Variants in LRP1B observed in about 807,000 individuals in gnomAD.
LRP1B encodes the protein low-density lipoprotein receptor-related protein 1B.
Under a neutral mutation model 556.6 loss-of-function variants are expected in LRP1B, and 217 were observed. The ratio of observed to expected loss-of-function variants is 0.39; its 90% CI spans 0.35 to 0.44. The LOEUF (loss-of-function observed/expected upper bound fraction) is 0.44, where lower values mean the gene tolerates loss of function less well. Among genes scored for constraint, LRP1B ranks in the 20% least tolerant of loss-of-function variants. The pLI is 1.00. For synonymous variants in LRP1B, 2,047 were observed against 1,865.8 expected, an observed-to-expected ratio of 1.10 and a Z score of -2.50; for missense variants, 5,053 against 5,620.8, an observed-to-expected ratio of 0.90 and a Z score of 3.23.
At chr2:142,107,607 C>CAATA (rs1452901853) in intron 1 of LRP1B, among the ~76,000 whole-genome samples, 1 of 137,290 alleles carries the variant, frequency 7.3e-6, no homozygotes, top group Non-Finnish European at 1.6e-5. Context: ...TATAGGCATT[C>CAATA]AATAATGTGT....
At chr2:140,293,740 T>G (rs1440085073) in intron 84 of LRP1B, among the ~76,000 whole-genome samples, 4 of 152,162 alleles carry the variant, frequency 2.6e-5, no homozygotes, top group African/African-American at 9.7e-5. Flanking sequence ...GTCATTTTAA[T>G]GCCACTGTCC....
chr2:140,436,689 G>GT (rs1289216353), intron 66 of LRP1B, among the ~76,000 whole-genome samples: 1 of 149,630 alleles, frequency 6.7e-6, no homozygotes, highest in African/African-American at 2.5e-5. Context: ...TTAACCAGAA[G>GT]TTTTTTTCAG....
intron 1 of LRP1B, among the ~76,000 whole-genome samples, chr2:141,949,597 C>G (rs926392920): frequency 2.0e-5 from 3 of 152,100 alleles, no homozygotes; most frequent in African/African-American, 7.2e-5. Context: ...ACCATGTTGG[C>G]CAGGATGGTC....
At chr2:140,540,951 C>T (rs2105016328) in intron 45 of LRP1B, 22 bp downstream of exon 45, 1 of 1,599,626 alleles carries the variant, frequency 6.3e-7, no homozygotes, top group Non-Finnish European at 8.5e-7. Context: ...TGTCATATTA[C>T]ATTTCAATTC....
At chr2:140,595,987 G>A (rs1171528176) in intron 43 of LRP1B, among the ~76,000 whole-genome samples, 2 of 152,022 alleles carry the variant, frequency 1.3e-5, no homozygotes, top group Admixed American at 1.3e-4. Flanking sequence ...TGAATAATAA[G>A]CATTTAGTCT....
chr2:141,073,260 G>GTA (rs1384845667), intron 7 of LRP1B, among the ~76,000 whole-genome samples: 1 of 151,816 alleles, frequency 6.6e-6, no homozygotes, highest in Non-Finnish European at 1.5e-5. Context: ...AAGTTACCAA[G>GTA]TATTTTCATA....
intron 1 of LRP1B, among the ~76,000 whole-genome samples, chr2:141,910,688 T>C (rs1342076192): frequency 6.6e-6 from 1 of 152,072 alleles, no homozygotes; most frequent in Non-Finnish European, 1.5e-5. Context: ...GTATTATACC[T>C]TGGGATTGCT....
At chr2:141,577,594 G>A (rs1686798789) in intron 2 of LRP1B, among the ~76,000 whole-genome samples, 2 of 152,226 alleles carry the variant, frequency 1.3e-5, no homozygotes, top group South Asian at 4.1e-4. Context: ...CAAGCACCTG[G>A]CAGGCATTTG....
chr2:140,716,133 C>A (rs956596270), intron 36 of LRP1B, 31 bp from the exon 37 acceptor site: 3 of 1,466,092 alleles, frequency 2.0e-6, no homozygotes, highest in Admixed American at 2.1e-5. Flanking sequence ...GTTTATAATA[C>A]AGTTTTGAGA....
At chr2:141,041,223 G>A (rs1698687623) in intron 11 of LRP1B, among the ~76,000 whole-genome samples, 1 of 152,080 alleles carries the variant, frequency 6.6e-6, no homozygotes, top group African/African-American at 2.4e-5. Flanking sequence ...TATCAGTATA[G>A]CAAGGGGGTA....
intron 2 of LRP1B, among the ~76,000 whole-genome samples, chr2:141,501,669 T>C (rs1358447371): frequency 6.6e-6 from 1 of 152,184 alleles, no homozygotes; most frequent in Non-Finnish European, 1.5e-5. Flanking sequence ...AATGAAGCTA[T>C]ATACTGTAAT....
At chr2:140,358,190 A>G in intron 73 of LRP1B, 74 bp from the exon 74 acceptor site, 1 of 1,344,554 alleles carries the variant, frequency 7.4e-7, no homozygotes, top group South Asian at 1.4e-5. Flanking sequence ...AATAGCTCCA[A>G]AATTTTACTA....
intron 66 of LRP1B, among the ~76,000 whole-genome samples, chr2:140,407,738 A>T (rs1006321484): frequency 3.9e-5 from 6 of 152,056 alleles, no homozygotes; most frequent in African/African-American, 1.4e-4. Flanking sequence ...TGGGAATGTA[A>T]ATTAGTACAA....
chr2:141,431,606 T>C (rs552059496), intron 3 of LRP1B, among the ~76,000 whole-genome samples: 7 of 152,318 alleles, frequency 4.6e-5, no homozygotes, highest in African/African-American at 1.7e-4. Context: ...AGGAAGTCTG[T>C]TATCCATGAA....
At chr2:141,900,347 T>C (rs1699580569) in intron 1 of LRP1B, among the ~76,000 whole-genome samples, 1 of 152,084 alleles carries the variant, frequency 6.6e-6, no homozygotes, top group East Asian at 1.9e-4. Flanking sequence ...TATGACACTG[T>C]TTGCAGATAT....
At chr2:140,282,662 T>C (rs1031848943) in intron 84 of LRP1B, among the ~76,000 whole-genome samples, 2 of 151,764 alleles carry the variant, frequency 1.3e-5, no homozygotes, top group African/African-American at 4.8e-5. Context: ...ACAAGAAGTC[T>C]GCACGATAAT....
At chr2:140,772,756 C>T (rs1401107251) in intron 33 of LRP1B, among the ~76,000 whole-genome samples, 3 of 151,994 alleles carry the variant, frequency 2.0e-5, no homozygotes, top group Non-Finnish European at 2.9e-5. Context: ...GGGAGACATC[C>T]GCAGATGATA....
chr2:141,916,880 C>G (rs765314649), intron 1 of LRP1B, among the ~76,000 whole-genome samples: 1 of 151,938 alleles, frequency 6.6e-6, no homozygotes, highest in Admixed American at 6.6e-5. Context: ...CACAATATAC[C>G]CAGGTAACAA....
At chr2:140,523,313 CA>C (rs1465729705) in intron 49 of LRP1B, among the ~76,000 whole-genome samples, 1 of 151,796 alleles carries the variant, frequency 6.6e-6, no homozygotes. Context: ...TCTCAATAGA[CA>C]CAGAAAAAGC....
Sources: gnomAD v4.1 joint callset for allele counts (sites outside exome capture counted in the v4.1 genomes callset) on GRCh38, gnomAD v4.1.1 for gene constraint, MANE v1.5 for transcripts, NCBI Gene and HGNC (gene_info 2026-07-23, HGNC 2026-07-21) for gene names.